The following PCDH7 variants were observed in gnomAD, a reference collection of about 807,000 sequenced individuals.
The protein encoded by PCDH7 is protocadherin 7, also known as protocadherin-7.
A neutral mutation model predicts 58.9 loss-of-function variants in PCDH7; 17 were observed. That is an observed-to-expected ratio of 0.29 (90% confidence interval 0.20 to 0.43). The LOEUF is 0.43. Among genes scored for constraint, PCDH7 ranks in the 20% least tolerant of loss-of-function variants. PCDH7 has a pLI of 1.00. For synonymous variants in PCDH7, 664 were observed against 616.4 expected, an observed-to-expected ratio of 1.08 and a Z score of -1.14; for missense variants, 1,274 against 1,441.0, an observed-to-expected ratio of 0.88 and a Z score of 1.88.
intron 3 of PCDH7, among the ~76,000 whole-genome samples, chr4:31,075,900 C>T (rs1417858071): frequency 1.6e-4 from 24 of 152,076 alleles, no homozygotes; most frequent in South Asian, 2.1e-4. Flanking sequence ...AAAATTCAAA[C>T]GACTTTAAAC....
chr4:30,954,624 T>C (rs1424554081), intron 3 of PCDH7, among the ~76,000 whole-genome samples: 4 of 152,194 alleles, frequency 2.6e-5, no homozygotes, highest in Non-Finnish European at 1.5e-5. Context: ...CATGACAATT[T>C]GATACCTTTT....
intron 1 of PCDH7, among the ~76,000 whole-genome samples, chr4:30,775,837 C>A (rs1035893211): frequency 6.6e-6 from 1 of 152,040 alleles, no homozygotes; most frequent in Non-Finnish European, 1.5e-5. Flanking sequence ...ACAGAGGTTG[C>A]AGTGAGCCAA....
chr4:30,871,553 C>G (rs1735590126), intron 1 of PCDH7, among the ~76,000 whole-genome samples: 1 of 152,050 alleles, frequency 6.6e-6, no homozygotes, highest in Non-Finnish European at 1.5e-5. Flanking sequence ...GAATACAAGT[C>G]TACCAAAAAC....
At chr4:30,844,361 A>G (rs912003808) in intron 1 of PCDH7, among the ~76,000 whole-genome samples, 7 of 152,200 alleles carry the variant, frequency 4.6e-5, no homozygotes, top group Non-Finnish European at 8.8e-5. Context: ...TCAGCAATTT[A>G]AATTTTTTTC....
chr4:30,928,060 C>A (rs183792106), intron 2 of PCDH7, among the ~76,000 whole-genome samples: 1 of 152,124 alleles, frequency 6.6e-6, no homozygotes, highest in Non-Finnish European at 1.5e-5. Flanking sequence ...ACTACAGCCT[C>A]GACCTCCTGG....
At chr4:30,816,960 C>T (rs142226411) in intron 1 of PCDH7, among the ~76,000 whole-genome samples, 9 of 152,202 alleles carry the variant, frequency 5.9e-5, no homozygotes, top group African/African-American at 1.9e-4. Flanking sequence ...TCTATTCTTG[C>T]ATCACTTTGC....
intron 1 of PCDH7, among the ~76,000 whole-genome samples, chr4:30,911,275 T>G (rs1192132673): frequency 6.6e-6 from 1 of 151,294 alleles, no homozygotes; most frequent in African/African-American, 2.4e-5. Flanking sequence ...AACCTGCACA[T>G]TCTACACATG....
chr4:31,017,788 G>A lies in PCDH7; in HGVS notation c.*7+67573G>A, dbSNP rs1296581679. Among the ~76,000 whole-genome samples, 6 of 152,160 alleles carry A rather than the reference G, an allele frequency of 3.9e-5. No individual in the cohort carries two copies. In the East Asian group the frequency reaches 1.2e-3, roughly 29 times the overall value. ...TAAAGAACTCTTTTTAGAGTTGAGG[G>A]TACATTGATTTTATCTTTGAATATA... On this transcript the variant is annotated intron_variant, in intron 3 of 3. Transcript: ENST00000509759.
At chr4:31,012,979 T>C (rs973923271) in intron 3 of PCDH7, among the ~76,000 whole-genome samples, 1 of 148,956 alleles carries the variant, frequency 6.7e-6, no homozygotes, top group African/African-American at 2.5e-5. Context: ...CTCACCACTG[T>C]GCCCAAGCCT....
rs527883836 is a variant in PCDH7 at position 30,722,881 on chromosome 4, T to C, written c.1459T>C (p.Leu487=). The C allele has an allele frequency of 6.2e-7, 1 of 1,613,814 alleles. No individual in the cohort carries two copies. Among genetic ancestry groups the C allele is most frequent in the Non-Finnish European group, 8.5e-7 (1 of 1,180,024 alleles). The change falls in exon 1 of 2, where the codon TTG becomes CTG. Residue 487 remains leucine (L), a synonymous_variant. Transcript: ENST00000361762. This position sits in a 1 kb window ranked among gnomAD's most constrained non-coding sequence, Gnocchi z 7.6. ...CGACCAGAACAAGAAAAAGTACTTC[T>C]TGCACACCTCGACCCCTCTGGACTA... is the stretch of plus-strand genomic sequence containing the variant.
At chr4:30,912,466 A>T (rs150713043) in intron 1 of PCDH7, among the ~76,000 whole-genome samples, 1 of 152,298 alleles carries the variant, frequency 6.6e-6, no homozygotes, top group African/African-American at 2.4e-5. Flanking sequence ...TGACAAAAAG[A>T]GTCATTAGAA....
chr4:30,910,181 T>C (rs1358078741), intron 1 of PCDH7, among the ~76,000 whole-genome samples: 1 of 152,162 alleles, frequency 6.6e-6, no homozygotes, highest in Non-Finnish European at 1.5e-5. Context: ...TAACTCAAGA[T>C]GGATTAAAGA....
chr4:31,104,574 A>G (rs1274404118), intron 3 of PCDH7, among the ~76,000 whole-genome samples: 2 of 152,228 alleles, frequency 1.3e-5, no homozygotes, highest in African/African-American at 2.4e-5. Context: ...ATACATTACC[A>G]TGCACTCTGT....
chr4:31,096,563 G>T (rs1326036763), intron 3 of PCDH7, among the ~76,000 whole-genome samples: 1 of 152,174 alleles, frequency 6.6e-6, no homozygotes, highest in Admixed American at 6.5e-5. Flanking sequence ...TCAGAAGGTT[G>T]AGTTAAATCT....
intron 1 of PCDH7, among the ~76,000 whole-genome samples, chr4:30,767,267 G>A (rs903632485): frequency 1.3e-5 from 2 of 152,178 alleles, no homozygotes; most frequent in Non-Finnish European, 2.9e-5. Context: ...TCTTTGTTCA[G>A]TATGTTGTCA....
At chr4:30,885,459 G>A (rs1737583735) in intron 1 of PCDH7, among the ~76,000 whole-genome samples, 1 of 152,126 alleles carries the variant, frequency 6.6e-6, no homozygotes, top group Non-Finnish European at 1.5e-5. Context: ...AGCACGATGT[G>A]AGTGTTAGTT....
intron 1 of PCDH7, among the ~76,000 whole-genome samples, chr4:30,863,951 A>G (rs1578091072): frequency 6.6e-6 from 1 of 152,118 alleles, no homozygotes; most frequent in Non-Finnish European, 1.5e-5. Context: ...ATAAGTTTGG[A>G]ATTAGTTGTG....
At chr4:30,745,798 G>T (rs1717700404) in intron 1 of PCDH7, among the ~76,000 whole-genome samples, 1 of 151,862 alleles carries the variant, frequency 6.6e-6, no homozygotes, top group South Asian at 2.1e-4. Context: ...GTGTGTGCGT[G>T]CATGCACATA....
chr4:30,839,857 C>T (rs1283017845), intron 1 of PCDH7, among the ~76,000 whole-genome samples: 1 of 152,090 alleles, frequency 6.6e-6, no homozygotes, highest in Non-Finnish European at 1.5e-5. Flanking sequence ...TACAGTATAT[C>T]TATTGCTGAC....
Sources: allele counts gnomAD v4.1 joint callset (sites outside exome capture counted in the v4.1 genomes callset), GRCh38; gene constraint gnomAD v4.1.1; non-coding constraint Gnocchi (gnomAD v3.1); transcripts MANE v1.5; gene names NCBI Gene and HGNC (gene_info 2026-07-23, HGNC 2026-07-21).